The following HSPA14 variants were observed in gnomAD, a reference collection of about 807,000 sequenced individuals.
HSPA14 encodes the protein heat shock 70 kDa protein 14.
In HSPA14, 37 loss-of-function variants were observed where a neutral mutation model predicts 65.5. That is an observed-to-expected ratio of 0.56 (90% confidence interval 0.43 to 0.74). The LOEUF (loss-of-function observed/expected upper bound fraction) is 0.74, where lower values mean the gene tolerates loss of function less well. Among genes scored for constraint, HSPA14 ranks in the 30% least tolerant of loss-of-function variants. HSPA14 has a pLI of 0.00. For synonymous variants in HSPA14, 203 were observed against 214.2 expected, an observed-to-expected ratio of 0.95 and a Z score of 0.46; for missense variants, 564 against 607.6, an observed-to-expected ratio of 0.93 and a Z score of 0.75.
chr10:14,843,988 G>C, intron 3 of HSPA14: 1 of 1,477,006 alleles, frequency 6.8e-7, no homozygotes, highest in Non-Finnish European at 8.9e-7. Flanking sequence ...TGTGTCCTCA[G>C]AAAAAAACAT....
Position 14,838,366 on chromosome 10 carries a change from A to AC in HSPA14, c.-32dup, listed in dbSNP as rs149877085. 3.8e-6 allele frequency: 6 copies of AC among 1,569,484 alleles called. No homozygotes were observed. The highest frequency in any genetic ancestry group is 2.7e-5 in the African/African-American group (2 of 74,020). ...GGCCGGTAGCTGTTGCTGTTGGGGG[A>AC]CCCCCTCATTCCTGCCGCTGCCGTC... On this transcript the variant is annotated 5_prime_UTR_variant, in exon 1 of 14. Transcript: ENST00000378372.
At chr10:14,856,335 C>T (rs1295494955) in intron 10 of HSPA14, among the ~76,000 whole-genome samples, 2 of 152,236 alleles carry the variant, frequency 1.3e-5, no homozygotes, top group Non-Finnish European at 1.5e-5. Context: ...TAGTTTTGTA[C>T]GTGAAGGCAC....
Position 14,850,441 on chromosome 10 carries a change from T to C in HSPA14, c.467+630T>C, listed in dbSNP as rs185777849. On this transcript the variant is annotated intron_variant, in intron 6 of 13. Coordinates refer to ENST00000378372, the MANE Select transcript of HSPA14 (RefSeq NM_016299.4). ...TTACATGTGCAGTTTTAGAAAATAT[T>C]TGTGCTTATTTCTTCACCTTAGATC... 5.6e-3 allele frequency among the ~76,000 whole-genome samples: 850 copies of C among 152,366 alleles called. 2 individuals are homozygous for C. The highest frequency in any genetic ancestry group is 0.027 in the Middle Eastern group (8 of 294).
At chr10:14,847,933 C>T (rs537682893) in intron 3 of HSPA14, among the ~76,000 whole-genome samples, 26 of 152,338 alleles carry the variant, frequency 1.7e-4, no homozygotes, top group African/African-American at 4.1e-4. Flanking sequence ...CCTAGGCTCA[C>T]GTACTGACTC....
intron 12 of HSPA14, among the ~76,000 whole-genome samples, chr10:14,868,746 C>T (rs949601457): frequency 6.6e-5 from 10 of 152,314 alleles, no homozygotes; most frequent in Non-Finnish European, 1.0e-4. Context: ...TGACTTTTGA[C>T]ACCTTATACT....
Position 14,851,288 on chromosome 10 carries a change from T to C in HSPA14, c.537T>C (p.Ala179=). ...ACGAACCGTCTGCAGCTCTTCTTGC[T>C]TATGGAATTGGACAAGACTCCCCTA... The part of the protein sequence containing the change: ...LIHEPSAALL[A]YGIGQDSPTG... The change falls in exon 7 of 14, where the codon GCT becomes GCC. Residue 179 remains alanine, a synonymous_variant. Coordinates refer to ENST00000378372, the MANE Select transcript of HSPA14 (RefSeq NM_016299.4). 6.2e-7 allele frequency: 1 copy of C among 1,612,252 alleles called. No homozygotes were observed. Among genetic ancestry groups the C allele is most frequent in the Non-Finnish European group, 8.5e-7 (1 of 1,178,420 alleles).
intron 9 of HSPA14, 23 bp downstream of exon 9, chr10:14,854,303 T>C: frequency 1.3e-6 from 2 of 1,555,232 alleles, no homozygotes; most frequent in Non-Finnish European, 1.7e-6. Flanking sequence ...TTCAAAAAAC[T>C]TTTTTAAAAA....
chr10:14,845,191 C>T, intron 3 of HSPA14: 1 of 985,370 alleles, frequency 1.0e-6, no homozygotes, highest in Non-Finnish European at 1.2e-6. Context: ...GAAGGGAAGA[C>T]ATTACTCTCT....
chr10:14,846,915 G>T (rs1235454348), intron 3 of HSPA14: 2 of 985,304 alleles, frequency 2.0e-6, no homozygotes, highest in Admixed American at 1.2e-4. Context: ...TGTAAATAAG[G>T]TGCTATGTAT....
At chr10:14,840,599 C>T (rs1339754890) in intron 3 of HSPA14, among the ~76,000 whole-genome samples, 3 of 152,084 alleles carry the variant, frequency 2.0e-5, no homozygotes, top group African/African-American at 7.2e-5. Flanking sequence ...CGAACTTTTC[C>T]ACTTGACTTA....
chr10:14,838,496 G>A (rs559243556), intron 1 of HSPA14, 37 bp downstream of exon 1: 1 of 1,558,194 alleles, frequency 6.4e-7, no homozygotes, highest in South Asian at 1.2e-5. Flanking sequence ...GCTTCATGAC[G>A]GCCACCCGGT....
Position 14,849,877 on chromosome 10 carries a change from G to T in HSPA14, c.467+66G>T, listed in dbSNP as rs1403593166. The T allele has an allele frequency of 1.5e-5, 14 of 940,526 alleles. No individual in the cohort carries two copies. The East Asian group carries it at 3.4e-4, about 23-fold the overall frequency. The allele number at this position is 940,526 out of a possible 1,614,324, so 58.3% of individuals were successfully genotyped here. ...AGTACAAAGTCACTATATAGTAAAA[G>T]GTAACATTGTATTTTAAAGTACCTT... is the stretch of plus-strand genomic sequence containing the variant. On this transcript the variant is annotated intron_variant, in intron 6 of 13. Coordinates refer to ENST00000378372, the MANE Select transcript of HSPA14 (RefSeq NM_016299.4).
At chr10:14,854,023 C>G (rs1834127113) in intron 8 of HSPA14, 102 bp from the exon 9 acceptor site, 2 of 1,190,886 alleles carry the variant, frequency 1.7e-6, no homozygotes, top group Admixed American at 5.3e-5. Context: ...CGGCCTGATT[C>G]ACTAATTTAT....
At position 14,844,318 on chromosome 10, in the gene HSPA14, TATTA is replaced by T. The variant is rs139055664; in HGVS notation, c.221+4165_221+4168del. On this transcript the variant is annotated intron_variant, in intron 3 of 13. Transcript: ENST00000378372. Reference sequence around the variant, plus strand: ...TTAAAAGCACTGTACACATTTAAGTTATTAATTCATATGGCCTTGGCTGAGGTAA... The same window carrying T: ...TTAAAAGCACTGTACACATTTAAGTTATTCATATGGCCTTGGCTGAGGTAA... 7,200 of 1,049,978 alleles carry T rather than the reference TATTA, an allele frequency of 6.9e-3. 408 individuals are homozygous for T. In the African/African-American group the frequency reaches 0.11, roughly 17 times the overall value. The allele number at this position is 1,049,978 out of a possible 1,614,324, so 65.0% of individuals were successfully genotyped here.
intron 6 of HSPA14, 170 bp from the exon 7 acceptor site, chr10:14,851,049 T>G (rs1014929771): frequency 4.5e-5 from 25 of 559,300 alleles, no homozygotes; most frequent in Non-Finnish European, 7.5e-5. Flanking sequence ...TGATCTCTTA[T>G]AGTCATTCAT....
intron 3 of HSPA14, chr10:14,843,885 C>G: frequency 1.3e-6 from 2 of 1,536,304 alleles, no homozygotes; most frequent in Non-Finnish European, 1.7e-6. Context: ...TTTCGAATAC[C>G]AAAAGCTAGG....
At chr10:14,849,667 G>A (rs1588811157) in intron 5 of HSPA14, 54 bp from the exon 6 acceptor site, 5 of 1,290,304 alleles carry the variant, frequency 3.9e-6, no homozygotes, top group Non-Finnish European at 3.3e-6. Flanking sequence ...ACCTCAGAAA[G>A]TATCACTTGT....
At chr10:14,838,972 A>T (rs1395323962) in intron 1 of HSPA14, among the ~76,000 whole-genome samples, 3 of 152,176 alleles carry the variant, frequency 2.0e-5, no homozygotes, top group Admixed American at 2.0e-4. Flanking sequence ...TCTCTGGGAC[A>T]GCAGGGCCGC....
At chr10:14,853,699 ATT>A (rs1834124330) in intron 8 of HSPA14, among the ~76,000 whole-genome samples, 1 of 152,168 alleles carries the variant, frequency 6.6e-6, no homozygotes, top group Admixed American at 6.5e-5. Context: ...GGAATAAAAT[ATT>A]GTTTCACTAA....
Sources: gnomAD v4.1 joint callset for allele counts (sites outside exome capture counted in the v4.1 genomes callset) on GRCh38, gnomAD v4.1.1 for gene constraint, MANE v1.5 for transcripts, NCBI Gene and HGNC (gene_info 2026-07-23, HGNC 2026-07-21) for gene names.